The following PALM2AKAP2 variants were observed in gnomAD, a reference collection of about 807,000 sequenced individuals.
The protein encoded by PALM2AKAP2 is PALM2-AKAP2 fusion protein.
PALM2AKAP2 carries 37 observed loss-of-function variants against 71.5 expected under a neutral mutation model. That is an observed-to-expected ratio of 0.52 (90% CI 0.40 to 0.68). PALM2AKAP2 has a LOEUF of 0.68. Among genes scored for constraint, PALM2AKAP2 ranks in the 30% least tolerant of loss-of-function variants. The pLI, the probability that PALM2AKAP2 is intolerant of heterozygous loss-of-function variation, is 0.00. For missense variants in PALM2AKAP2, 1,224 were observed against 1,191.8 expected (o/e 1.03, Z -0.40); for synonymous variants, 468 against 478.8 (o/e 0.98, Z 0.29).
rs114192943 is a variant in PALM2AKAP2, at chr9:110,144,939, C to T, written c.2569+6400C>T. Among the ~76,000 whole-genome samples the T allele has an allele frequency of 3.5e-3, 536 of 152,268 alleles. 3 individuals are homozygous for T. Among genetic ancestry groups the T allele is most frequent in the African/African-American group, 0.012 (516 of 41,556 alleles). ...AAATGGGAGAGCCTGGTTTCAAACT[C>T]AGGCTCTCATTTGTCTCCAAAATCC... On this transcript the variant is annotated intron_variant, in intron 2 of 3. Transcript: ENST00000374525.
At position 109,797,029 on chromosome 9, in the gene PALM2AKAP2, G is replaced by A. The variant is rs116863785; in HGVS notation, c.45+16496G>A. 6.1e-3 allele frequency among the ~76,000 whole-genome samples: 921 copies of A among 152,214 alleles called. 5 individuals are homozygous for A. Among genetic ancestry groups the A allele is most frequent in the Middle Eastern group, 0.01 (3 of 294 alleles). ...CCTAAATTCTGTCTTATCCCCAAAC[G>A]CCCTGAATTCTCACTTCTTTCTTTT... On this transcript the variant is annotated intron_variant, in intron 1 of 9. Transcript: ENST00000302798.
chr9:110,100,884 G>T (rs1035444884), intron 1 of PALM2AKAP2, among the ~76,000 whole-genome samples: 3 of 152,176 alleles, frequency 2.0e-5, no homozygotes, highest in Admixed American at 6.5e-5. Flanking sequence ...TGTGGATTCA[G>T]CAAGAGTCTG....
intron 6 of PALM2AKAP2, among the ~76,000 whole-genome samples, chr9:109,947,889 G>A (rs1001125478): frequency 1.1e-4 from 17 of 152,234 alleles, no homozygotes; most frequent in Middle Eastern, 3.4e-3. Context: ...ATAAATACAC[G>A]ATCTTTCAGG....
intron 6 of PALM2AKAP2, among the ~76,000 whole-genome samples, chr9:110,008,620 G>T (rs1832824764): frequency 6.6e-6 from 1 of 152,098 alleles, no homozygotes; most frequent in African/African-American, 2.4e-5. Context: ...TTCTTCCCAT[G>T]AGGCTGGGCT....
chr9:109,930,650 A>G (rs1056262889), intron 5 of PALM2AKAP2, among the ~76,000 whole-genome samples: 3 of 152,248 alleles, frequency 2.0e-5, no homozygotes, highest in African/African-American at 7.2e-5. Context: ...CTAGAACTGA[A>G]CTAAGCCTAG....
chr9:110,044,816 C>T (rs1305660060), upstream of PALM2AKAP2, among the ~76,000 whole-genome samples: 1 of 152,076 alleles, frequency 6.6e-6, no homozygotes, highest in African/African-American at 2.4e-5. Context: ...CTGTCTTGCC[C>T]CCACCTTCTG....
intron 1 of PALM2AKAP2, among the ~76,000 whole-genome samples, chr9:109,784,267 A>C (rs1182621588): frequency 6.6e-6 from 1 of 152,244 alleles, no homozygotes; most frequent in African/African-American, 2.4e-5. Flanking sequence ...TAATGGAAGA[A>C]ATAGAAAAGC....
At chr9:109,854,371 C>T (rs1355116837) in intron 1 of PALM2AKAP2, among the ~76,000 whole-genome samples, 1 of 152,206 alleles carries the variant, frequency 6.6e-6, no homozygotes. Context: ...GGTTCCTATT[C>T]CGAGCCTCTC....
At chr9:109,974,706 C>T (rs1463714302) in intron 6 of PALM2AKAP2, among the ~76,000 whole-genome samples, 2 of 152,194 alleles carry the variant, frequency 1.3e-5, no homozygotes, top group African/African-American at 4.8e-5. Flanking sequence ...ACTGCTGCTG[C>T]AGCACCAGAG....
chr9:109,691,800 C>T (rs911440182), intron 1 of PALM2AKAP2, among the ~76,000 whole-genome samples: 1 of 132,314 alleles, frequency 7.6e-6, no homozygotes, highest in African/African-American at 2.8e-5. Context: ...GGAGAATTAA[C>T]ATCTTAATAT....
intron 1 of PALM2AKAP2, among the ~76,000 whole-genome samples, chr9:109,859,915 C>T (rs146593443): frequency 1.4e-3 from 217 of 152,364 alleles, no homozygotes; most frequent in African/African-American, 5.0e-3. Flanking sequence ...TAGCTTTCAG[C>T]TACTTATCTA....
intron 1 of PALM2AKAP2, among the ~76,000 whole-genome samples, chr9:109,756,786 C>A (rs1171920336): frequency 1.3e-5 from 2 of 152,132 alleles, no homozygotes; most frequent in Non-Finnish European, 2.9e-5. Context: ...TGCTTTGAAT[C>A]ACTTGAGATT....
intron 2 of PALM2AKAP2, among the ~76,000 whole-genome samples, chr9:109,879,137 G>C (rs1398345264): frequency 6.6e-6 from 1 of 152,200 alleles, no homozygotes; most frequent in East Asian, 1.9e-4. Flanking sequence ...TCGCTCATAA[G>C]AGCTTCAGGG....
intron 1 of PALM2AKAP2, among the ~76,000 whole-genome samples, chr9:109,859,674 G>A (rs1451519782): frequency 6.6e-6 from 1 of 152,236 alleles, no homozygotes; most frequent in Non-Finnish European, 1.5e-5. Context: ...GAAAAGAGAA[G>A]TTATGTAGAT....
intron 1 of PALM2AKAP2, among the ~76,000 whole-genome samples, chr9:110,129,642 A>G (rs1236186509): frequency 2.0e-5 from 3 of 152,340 alleles, no homozygotes; most frequent in Middle Eastern, 6.8e-3. Context: ...ACATGTGTCA[A>G]CCAGAAAATG....
rs1407857126 is a variant in PALM2AKAP2, at chr9:109,691,735, C to T, written c.5+50869C>T. On this transcript the variant is annotated intron_variant, in intron 1 of 6. Coordinates refer to the PALM2AKAP2 transcript ENST00000374531. ...TCATATTATGGTAAGCCTGCCCCCA[C>T]ACCACCCATGCTTATATTCAAATAC... Among the ~76,000 whole-genome samples, 4 of 149,668 alleles carry T rather than the reference C, an allele frequency of 2.7e-5. No homozygotes were observed. In the East Asian group the frequency reaches 5.9e-4, roughly 22 times the overall value.
chr9:110,101,271 G>A (rs536026331), intron 1 of PALM2AKAP2, among the ~76,000 whole-genome samples: 4 of 152,214 alleles, frequency 2.6e-5, no homozygotes, highest in Admixed American at 1.3e-4. Flanking sequence ...GCTCCTGGGA[G>A]GTTTGCTGTG....
At chr9:109,718,137 G>A (rs1478613400) in intron 1 of PALM2AKAP2, among the ~76,000 whole-genome samples, 1 of 152,116 alleles carries the variant, frequency 6.6e-6, no homozygotes, top group African/African-American at 2.4e-5. Flanking sequence ...CTGGAGGGCA[G>A]TGGCACGATC....
chr9:109,645,395 G>A (rs901578553), intron 1 of PALM2AKAP2, among the ~76,000 whole-genome samples: 3 of 152,170 alleles, frequency 2.0e-5, no homozygotes, highest in Non-Finnish European at 4.4e-5. Flanking sequence ...TGGGAATTGT[G>A]GGAGCTACAA....
Sources: gnomAD v4.1 joint callset for allele counts (sites outside exome capture counted in the v4.1 genomes callset) on GRCh38, gnomAD v4.1.1 for gene constraint, MANE v1.5 for transcripts, NCBI Gene and HGNC (gene_info 2026-07-23, HGNC 2026-07-21) for gene names.